SCN3A: variants seen among roughly 807,000 people sequenced by gnomAD.
SCN3A encodes the protein sodium voltage-gated channel alpha subunit 3.
In SCN3A, 60 loss-of-function variants were observed where a neutral mutation model predicts 187.6. The observed-to-expected ratio is 0.32, with a 90% CI of 0.26 to 0.40. The LOEUF is 0.40. SCN3A is among the 10% of genes least tolerant of loss of function. The pLI, the probability that SCN3A is intolerant of heterozygous loss-of-function variation, is 1.00. For missense variants in SCN3A, 1,601 were observed against 2,428.2 expected, an observed-to-expected ratio of 0.66 and a Z score of 7.16; for synonymous variants, 788 against 829.2, an observed-to-expected ratio of 0.95 and a Z score of 0.85.
chr2:165,130,678 T>C (rs1687258671), intron 16 of SCN3A, among the ~76,000 whole-genome samples: 1 of 152,094 alleles, frequency 6.6e-6, no homozygotes, highest in Admixed American at 6.6e-5. Flanking sequence ...CATAGATTTT[T>C]ATAGGCCAAT....
chr2:165,167,345 T>G (rs62174952), intron 5 of SCN3A, among the ~76,000 whole-genome samples: 34,185 of 151,760 alleles, frequency 0.23, 5,019 homozygotes, highest in East Asian at 0.52. Context: ...TTACAATAAT[T>G]TCTAGGCAGC....
rs967351315 is a variant in SCN3A at position 165,154,341 on chromosome 2, C to A, written c.1380+111G>T. ...AATACTTTTTTTTCTAATGACAATGCCTATATATAAAATGAAAAAGCAGTT... is the reference window on the plus strand; with the variant it reads ...AATACTTTTTTTTCTAATGACAATGACTATATATAAAATGAAAAAGCAGTT... On this transcript the variant is annotated intron_variant, in intron 11 of 27. Transcript: ENST00000283254. The A allele has an allele frequency of 1.5e-4, 169 of 1,162,688 alleles. No homozygotes were observed. In the African/African-American group the frequency reaches 2.1e-3, roughly 15 times the overall value. 72.0% of individuals were successfully genotyped at this position (1,162,688 alleles called of 1,614,324 possible).
At position 165,162,668 on chromosome 2, in the gene SCN3A, A is replaced by T. The variant is rs374716642; in HGVS notation, c.855T>A (p.Ser285=). ...NKCLQWPPSD[S]AFETNTTSYF... is the part of the protein sequence containing the mutation. ...AGGAAGTGGTGTTGGTTTCAAAAGC[A>T]GAATCGCTTGGGGGCCACTGCAAAC... The change falls in exon 8 of 28, where the codon TCT becomes TCA. Residue 285 remains serine, a synonymous_variant. Transcript: ENST00000283254. The T allele has an allele frequency of 6.2e-7, 1 of 1,614,216 alleles. No homozygotes were observed. The highest frequency in any genetic ancestry group is 1.7e-5 in the Admixed American group (1 of 60,030).
chr2:165,165,228 C>G (rs1179828023), intron 5 of SCN3A, among the ~76,000 whole-genome samples: 1 of 151,098 alleles, frequency 6.6e-6, no homozygotes, highest in African/African-American at 2.4e-5. Context: ...CTCTCTCTGC[C>G]CTCCTTCCTC....
chr2:165,179,525 A>C (rs1690702153), intron 2 of SCN3A: 1 of 152,176 alleles, frequency 6.6e-6, no homozygotes, highest in Admixed American at 6.5e-5. Context: ...ATCATGAAAA[A>C]CTTTTTACAA....
intron 14 of SCN3A, among the ~76,000 whole-genome samples, chr2:165,138,441 A>G (rs1687801793): frequency 6.6e-6 from 1 of 152,184 alleles, no homozygotes; most frequent in South Asian, 2.1e-4. Flanking sequence ...ACATTACACA[A>G]CTATTAAAAT....
chr2:165,162,183 G>A (rs1689438933), intron 9 of SCN3A, 125 bp downstream of exon 9: 2 of 842,064 alleles, frequency 2.4e-6, no homozygotes, highest in Non-Finnish European at 1.9e-6. Flanking sequence ...ACTTCCTAGG[G>A]GAGCAGCACT....
intron 15 of SCN3A, among the ~76,000 whole-genome samples, chr2:165,134,151 A>G (rs1687523587): frequency 1.3e-5 from 2 of 152,188 alleles, no homozygotes; most frequent in South Asian, 2.1e-4. Context: ...ATTGAGATTA[A>G]TAAGTCACTT....
intron 5 of SCN3A, among the ~76,000 whole-genome samples, chr2:165,164,873 A>C (rs1013527853): frequency 3.9e-4 from 59 of 152,178 alleles, no homozygotes; most frequent in African/African-American, 1.4e-3. Context: ...TCCTAGTAGC[A>C]AGCGAAAAGA....
chr2:165,100,459 A>G, intron 21 of SCN3A, 35 bp from the exon 22 acceptor site: 1 of 1,604,444 alleles, frequency 6.2e-7, no homozygotes, highest in Non-Finnish European at 8.5e-7. Context: ...TAGTTCACCA[A>G]GAAATAAACT....
rs1162327765 is a variant in SCN3A, at chr2:165,097,495, A to G, written c.3996T>C (p.Ile1332=). The G allele has an allele frequency of 6.2e-7, 1 of 1,613,972 alleles. No homozygotes were observed. Among genetic ancestry groups the G allele is most frequent in the Non-Finnish European group, 8.5e-7 (1 of 1,180,000 alleles). ...RVVVNALVGA[I]PSIMNVLLVC... Reference sequence around the variant, plus strand: ...CCAACAGCACATTCATGATAGAGGGAATTGCTCCAACAAGAGCATTCACAA... The same window carrying G: ...CCAACAGCACATTCATGATAGAGGGGATTGCTCCAACAAGAGCATTCACAA... Residue 1332 remains isoleucine (I), a synonymous_variant, in exon 23 of 28, where the codon ATT becomes ATC. Transcript: ENST00000283254.
At chr2:165,179,953 T>C (rs561553961) in intron 2 of SCN3A, among the ~76,000 whole-genome samples, 3 of 152,098 alleles carry the variant, frequency 2.0e-5, no homozygotes, top group Non-Finnish European at 4.4e-5. Context: ...GGAATATATA[T>C]ATTATTAATG....
intron 1 of SCN3A, among the ~76,000 whole-genome samples, chr2:165,188,510 CA>C (rs1291965645): frequency 6.6e-6 from 1 of 152,158 alleles, no homozygotes; most frequent in African/African-American, 2.4e-5. Flanking sequence ...ACCTGTGCAG[CA>C]GGGCGCGGTG....
intron 21 of SCN3A, among the ~76,000 whole-genome samples, chr2:165,106,044 G>T (rs1454237985): frequency 2.6e-5 from 4 of 152,052 alleles, no homozygotes; most frequent in Non-Finnish European, 4.4e-5. Context: ...CAAATACCGT[G>T]GTCATTGTGG....
At chr2:165,099,683 C>T (rs1283154627) in intron 22 of SCN3A, among the ~76,000 whole-genome samples, 1 of 152,180 alleles carries the variant, frequency 6.6e-6, no homozygotes, top group African/African-American at 2.4e-5. Context: ...CACCACTGCA[C>T]TCCAGCCTGG....
In SCN3A at chr2:165,140,197, TAA is replaced by T. The variant is rs1687920384; in HGVS notation, c.2019+452_2019+453del. On this transcript the variant is annotated intron_variant, in intron 13 of 27. Transcript: ENST00000283254. The surrounding 1 kb of genome is among the most constrained non-coding windows in gnomAD (Gnocchi z 4.2). Reference sequence around the variant, plus strand: ...TTAGAGTCATTTTAAAATAGCACTGTAAATATTGACAGTTGTATGAAATTGCC... The same window carrying T: ...TTAGAGTCATTTTAAAATAGCACTGTATATTGACAGTTGTATGAAATTGCC... Among the ~76,000 whole-genome samples, 1 of 152,206 alleles carries T rather than the reference TAA, an allele frequency of 6.6e-6. No homozygotes were observed. The highest frequency in any genetic ancestry group is 2.4e-5 in the African/African-American group (1 of 41,460).
chr2:165,172,291 AT>A lies in SCN3A; in HGVS notation c.265-1744del, dbSNP rs150564808. ...GTTTCTCTGTTCATTGCCTTTTTGT[AT>A]TTAAGACCATAGAGCCAACCATTAC... On this transcript the variant is annotated intron_variant, in intron 3 of 27. Transcript: ENST00000283254. 7.9e-5 allele frequency among the ~76,000 whole-genome samples: 12 copies of A among 152,236 alleles called. No individual in the cohort carries two copies. The East Asian group carries it at 2.1e-3, about 27-fold the overall frequency.
intron 11 of SCN3A, among the ~76,000 whole-genome samples, chr2:165,152,633 CTG>C (rs1688754494): frequency 6.6e-6 from 1 of 152,062 alleles, no homozygotes; most frequent in African/African-American, 2.4e-5. Flanking sequence ...TTCTAGATAC[CTG>C]AGGAATCGCC....
chr2:165,188,989 T>C (rs115090045), intron 1 of SCN3A, among the ~76,000 whole-genome samples: 1,724 of 152,096 alleles, frequency 0.011, 28 homozygotes, highest in Middle Eastern at 0.041. Flanking sequence ...TGAGAAAGGA[T>C]GAACTAAAGG....
Sources: allele counts gnomAD v4.1 joint callset (sites outside exome capture counted in the v4.1 genomes callset), GRCh38; gene constraint gnomAD v4.1.1; non-coding constraint Gnocchi (gnomAD v3.1); transcripts MANE v1.5; gene names NCBI Gene and HGNC (gene_info 2026-07-23, HGNC 2026-07-21).